TP63: variants seen among roughly 807,000 people sequenced by gnomAD.
TP63 encodes tumor protein 63.
TP63 carries 17 observed loss-of-function variants against 82.8 expected under a neutral mutation model. The observed-to-expected ratio is 0.21, with a 90% CI of 0.14 to 0.31. The LOEUF is 0.31. Among genes scored for constraint, TP63 ranks in the 10% least tolerant of loss-of-function variants. TP63 has a pLI of 1.00. For synonymous variants in TP63, 330 were observed against 321.7 expected (o/e 1.03, Z -0.28); for missense variants, 648 against 895.3 (o/e 0.72, Z 3.52).
chr3:189,781,404 G>A (rs1029946797), intron 3 of TP63, among the ~76,000 whole-genome samples: 1 of 152,110 alleles, frequency 6.6e-6, no homozygotes, highest in African/African-American at 2.4e-5. Context: ...TCACAAACCT[G>A]TGACTTCTCC....
At chr3:189,869,684 T>G (rs1281856495) in intron 9 of TP63, among the ~76,000 whole-genome samples, 1 of 151,198 alleles carries the variant, frequency 6.6e-6, no homozygotes, top group Non-Finnish European at 1.5e-5. Flanking sequence ...TGTATTCTCA[T>G]ATAGTGGAGA....
At chr3:189,626,902 T>C (rs1298453296), upstream of TP63, among the ~76,000 whole-genome samples, 1 of 146,462 alleles carries the variant, frequency 6.8e-6, no homozygotes, top group Non-Finnish European at 1.5e-5. Flanking sequence ...TTTTCATATT[T>C]CTTTTCATAC....
chr3:189,597,035 A>G, the TP63 span, among the ~76,000 whole-genome samples: 1 of 152,116 alleles, frequency 6.6e-6, no homozygotes, highest in Non-Finnish European at 1.5e-5. Context: ...GAAACTCCGA[A>G]CACATCCGAA....
intron 1 of TP63, among the ~76,000 whole-genome samples, chr3:189,721,517 A>C (rs539432606): frequency 5.9e-5 from 9 of 152,002 alleles, no homozygotes; most frequent in Non-Finnish European, 1.0e-4. Context: ...GGAAATATTA[A>C]CTGGGTGGCA....
chr3:189,671,440 G>A lies in TP63; in HGVS notation c.62+39863G>A, dbSNP rs1267383228. 5.3e-5 allele frequency among the ~76,000 whole-genome samples: 8 copies of A among 152,012 alleles called. No individual in the cohort carries two copies. In the East Asian group the frequency reaches 1.3e-3, roughly 26 times the overall value. On this transcript the variant is annotated intron_variant, in intron 1 of 13. Transcript: ENST00000264731. ...GGGAACTCTTACACATTCTTGGTTG[G>A]AAGATAAATTAGTACAGCCATTATG...
chr3:189,630,633 AATAAT>A (rs1729421551), upstream of TP63, among the ~76,000 whole-genome samples: 1 of 152,170 alleles, frequency 6.6e-6, no homozygotes, highest in African/African-American at 2.4e-5. Context: ...AATATTCTAC[AATAAT>A]ATATTATTTC....
At chr3:189,870,026 C>G (rs1180875144) in intron 9 of TP63, among the ~76,000 whole-genome samples, 1 of 152,170 alleles carries the variant, frequency 6.6e-6, no homozygotes, top group African/African-American at 2.4e-5. Flanking sequence ...TAAAGCTAAA[C>G]TCCTAACAGA....
intron 4 of TP63, among the ~76,000 whole-genome samples, chr3:189,851,986 A>G (rs1715695468): frequency 6.6e-6 from 1 of 152,192 alleles, no homozygotes; most frequent in Admixed American, 6.5e-5. Flanking sequence ...GAAACAGGGA[A>G]CGGGAGGAAA....
At chr3:189,756,765 A>G (rs1179400214) in intron 3 of TP63, among the ~76,000 whole-genome samples, 1 of 152,164 alleles carries the variant, frequency 6.6e-6, no homozygotes, top group Non-Finnish European at 1.5e-5. Flanking sequence ...AGAGTTGGAA[A>G]TGATAGCCCC....
At chr3:189,633,443 A>G (rs1729583332) in intron 1 of TP63, among the ~76,000 whole-genome samples, 1 of 151,962 alleles carries the variant, frequency 6.6e-6, no homozygotes, top group Admixed American at 6.6e-5. Flanking sequence ...ATGCGTTGTC[A>G]TCATTTAACT....
At chr3:189,665,786 A>G (rs925794721) in intron 1 of TP63, among the ~76,000 whole-genome samples, 12 of 152,118 alleles carry the variant, frequency 7.9e-5, no homozygotes, top group African/African-American at 2.9e-4. Flanking sequence ...GCTAATTCCT[A>G]CAGCCACGAC....
intron 3 of TP63, among the ~76,000 whole-genome samples, chr3:189,788,591 G>T (rs899678370): frequency 2.0e-5 from 3 of 151,746 alleles, no homozygotes; most frequent in Non-Finnish European, 2.9e-5. Flanking sequence ...GGGGGTGGGG[G>T]TGTAGGATGA....
chr3:189,876,518 A>G (rs1447771747), intron 10 of TP63, among the ~76,000 whole-genome samples: 2 of 152,220 alleles, frequency 1.3e-5, no homozygotes, highest in Non-Finnish European at 2.9e-5. Flanking sequence ...GTAGCTTCAT[A>G]GTTCCCTGGT....
chr3:189,632,919 C>G (rs1347061443), intron 1 of TP63, among the ~76,000 whole-genome samples: 1 of 152,000 alleles, frequency 6.6e-6, no homozygotes, highest in Admixed American at 6.6e-5. Context: ...AATAATAGTT[C>G]TAAGAAGATA....
In TP63 at chr3:189,642,229, G is replaced by A. The variant is rs1405479502; in HGVS notation, c.62+10652G>A. 3.3e-5 allele frequency among the ~76,000 whole-genome samples: 5 copies of A among 152,182 alleles called. No homozygotes were observed. In the East Asian group the frequency reaches 7.7e-4, roughly 23 times the overall value. Reference sequence around the variant, plus strand: ...GCACTTTTTATTAACTAGGACTTCCGTATTAACTACGGAAACCACAATTAC... The same window carrying A: ...GCACTTTTTATTAACTAGGACTTCCATATTAACTACGGAAACCACAATTAC... On this transcript the variant is annotated intron_variant, in intron 1 of 13. Transcript: ENST00000264731.
At chr3:189,728,994 T>G (rs1386818383) in intron 1 of TP63, among the ~76,000 whole-genome samples, 2 of 152,142 alleles carry the variant, frequency 1.3e-5, no homozygotes, top group African/African-American at 2.4e-5. Context: ...CAAAGGTGAT[T>G]AGATTTTTGT....
At chr3:189,822,845 C>T (rs1417403343) in intron 4 of TP63, among the ~76,000 whole-genome samples, 1 of 152,066 alleles carries the variant, frequency 6.6e-6, no homozygotes, top group East Asian at 1.9e-4. Flanking sequence ...GGCACAATAA[C>T]CACGTAAGAA....
intron 3 of TP63, chr3:189,738,986 G>A (rs755545436): frequency 9.4e-5 from 60 of 636,558 alleles, no homozygotes; most frequent in Non-Finnish European, 1.3e-4. Flanking sequence ...GTTTCCATCC[G>A]TGTGGGGAGG....
intron 3 of TP63, among the ~76,000 whole-genome samples, chr3:189,791,089 T>C (rs1302928866): frequency 1.3e-5 from 2 of 152,150 alleles, no homozygotes; most frequent in Non-Finnish European, 2.9e-5. Flanking sequence ...TAGCTTAAAA[T>C]GTTACCAATT....
Sources: allele counts gnomAD v4.1 joint callset (sites outside exome capture counted in the v4.1 genomes callset), GRCh38; gene constraint gnomAD v4.1.1; transcripts MANE v1.5; gene names NCBI Gene and HGNC (gene_info 2026-07-23, HGNC 2026-07-21).